The following ITSN1 variants were observed in gnomAD, a reference collection of about 807,000 sequenced individuals.
ITSN1 encodes the protein intersectin-1.
A neutral mutation model predicts 239.8 loss-of-function variants in ITSN1; 58 were observed. That is an observed-to-expected ratio of 0.24 (90% CI 0.20 to 0.30). ITSN1 has a LOEUF of 0.30. Among genes scored for constraint, ITSN1 ranks in the 10% least tolerant of loss-of-function variants. The pLI, the probability that ITSN1 is intolerant of heterozygous loss-of-function variation, is 1.00. For missense variants in ITSN1, 1,558 were observed against 2,103.3 expected (o/e 0.74, Z 5.07); for synonymous variants, 780 against 770.8 (o/e 1.01, Z -0.20).
intron 20 of ITSN1, among the ~76,000 whole-genome samples, chr21:33,809,175 A>G (rs1328890603): frequency 6.6e-6 from 1 of 152,228 alleles, no homozygotes; most frequent in Non-Finnish European, 1.5e-5. Context: ...CAAAGTGGCT[A>G]GTGTGTTCAT....
At chr21:33,868,139 T>C (rs1300052915) in intron 33 of ITSN1, among the ~76,000 whole-genome samples, 1 of 152,164 alleles carries the variant, frequency 6.6e-6, no homozygotes, top group Non-Finnish European at 1.5e-5. Flanking sequence ...ATCCTGCTGA[T>C]TGGTAGAGCC....
At chr21:33,679,567 T>C (rs994680285) in intron 1 of ITSN1, among the ~76,000 whole-genome samples, 1 of 152,214 alleles carries the variant, frequency 6.6e-6, no homozygotes, top group South Asian at 2.1e-4. Context: ...GTACAAAGTT[T>C]TACAATTGTT....
chr21:33,816,759 C>T (rs550548050), intron 22 of ITSN1, among the ~76,000 whole-genome samples: 15 of 152,198 alleles, frequency 9.9e-5, no homozygotes, highest in East Asian at 5.8e-4. Context: ...TGAGGAGCTA[C>T]GCGGGCAGCA....
At chr21:33,853,233 A>G (rs1978664644) in intron 29 of ITSN1, among the ~76,000 whole-genome samples, 1 of 152,194 alleles carries the variant, frequency 6.6e-6, no homozygotes, top group African/African-American at 2.4e-5. Flanking sequence ...GCAGGGTGGT[A>G]GGTGGACCTG....
intron 39 of ITSN1, among the ~76,000 whole-genome samples, chr21:33,887,476 G>A (rs1266387870): frequency 1.3e-5 from 2 of 152,120 alleles, no homozygotes; most frequent in African/African-American, 4.8e-5. Context: ...TTATCTCATT[G>A]TGAGTTAGGT....
Position 33,774,847 on chromosome 21 carries a change from A to G in ITSN1, c.1424A>G (p.Lys475Arg). 6.2e-7 allele frequency: 1 copy of G among 1,612,716 alleles called. No homozygotes were observed. Among genetic ancestry groups the G allele is most frequent in the South Asian group, 1.1e-5 (1 of 90,554 alleles). ...GACATAGTTGTACTGAAAGCAAAGA[A>G]AAAGACTTTGGAATTTGAATTAGAA... ...QEDIVVLKAK[K>R]KTLEFELEAL... The change falls in exon 13 of 40, where the codon AAA becomes AGA. Residue 475 changes from lysine to arginine, a missense_variant. Coordinates refer to ENST00000381318, the MANE Select transcript of ITSN1 (RefSeq NM_003024.3).
At chr21:33,807,293 G>A (rs1209429821) in intron 20 of ITSN1, among the ~76,000 whole-genome samples, 1 of 152,106 alleles carries the variant, frequency 6.6e-6, no homozygotes, top group Admixed American at 6.5e-5. Context: ...GGACAGGCTG[G>A]GTGTTATCAG....
intron 1 of ITSN1, among the ~76,000 whole-genome samples, chr21:33,679,572 A>G (rs1279523483): frequency 6.6e-5 from 10 of 152,074 alleles, no homozygotes; most frequent in South Asian, 2.1e-4. Context: ...AAGTTTTACA[A>G]TTGTTGCTTT....
chr21:33,854,403 A>C (rs1978916479), intron 29 of ITSN1, among the ~76,000 whole-genome samples: 1 of 152,234 alleles, frequency 6.6e-6, no homozygotes, highest in Non-Finnish European at 1.5e-5. Context: ...GAGGGCATCC[A>C]AGTTGCCTAA....
intron 20 of ITSN1, among the ~76,000 whole-genome samples, chr21:33,810,629 A>C (rs1035735752): frequency 6.6e-6 from 1 of 152,210 alleles, no homozygotes. Flanking sequence ...ATTTTTAATA[A>C]TGACATGACT....
intron 1 of ITSN1, among the ~76,000 whole-genome samples, chr21:33,661,580 G>T (rs893651786): frequency 6.6e-6 from 1 of 152,106 alleles, no homozygotes; most frequent in Admixed American, 6.5e-5. Context: ...AAAAGAGCAG[G>T]TCTTGCCTGA....
intron 29 of ITSN1, among the ~76,000 whole-genome samples, chr21:33,852,237 A>T (rs1978457871): frequency 6.6e-6 from 1 of 152,118 alleles, no homozygotes. Context: ...ACCTTATTGC[A>T]TATTTTGGCC....
intron 1 of ITSN1, among the ~76,000 whole-genome samples, chr21:33,676,982 A>G (rs2090631927): frequency 6.9e-6 from 1 of 143,966 alleles, no homozygotes; most frequent in African/African-American, 2.5e-5. Context: ...CAGGGTGGGG[A>G]ACATCACACA....
intron 24 of ITSN1, among the ~76,000 whole-genome samples, chr21:33,819,959 G>T (rs981133551): frequency 6.6e-6 from 1 of 151,992 alleles, no homozygotes; most frequent in South Asian, 2.1e-4. Flanking sequence ...TCCGCAGTCC[G>T]GCCTGGGCGA....
intron 29 of ITSN1, among the ~76,000 whole-genome samples, chr21:33,848,628 T>C (rs1426322924): frequency 6.6e-6 from 1 of 152,180 alleles, no homozygotes. Flanking sequence ...AGCTACCGCA[T>C]AGGATTCCTG....
intron 1 of ITSN1, among the ~76,000 whole-genome samples, chr21:33,686,030 A>G (rs1219425827): frequency 6.6e-6 from 1 of 152,164 alleles, no homozygotes; most frequent in Non-Finnish European, 1.5e-5. Flanking sequence ...TGGGGTTCAC[A>G]TTTATATTTT....
In ITSN1 at chr21:33,847,570, C is replaced by G. The variant is rs115832269; in HGVS notation, c.3662-9166C>G. Among the ~76,000 whole-genome samples the G allele has an allele frequency of 6.2e-3, 944 of 152,312 alleles. 7 individuals are homozygous for G. Among genetic ancestry groups the G allele is most frequent in the African/African-American group, 0.022 (903 of 41,564 alleles). On this transcript the variant is annotated intron_variant, in intron 29 of 39. Transcript: ENST00000381318. ...TGAGGGCGTTGAGCAGAGAGAGTAG[C>G]CTTTGAAGCCATAGCCCATGGCTGG...
At chr21:33,809,264 C>A (rs1245814232) in intron 20 of ITSN1, among the ~76,000 whole-genome samples, 2 of 152,170 alleles carry the variant, frequency 1.3e-5, no homozygotes, top group African/African-American at 4.8e-5. Flanking sequence ...GCATTTTATA[C>A]AAGGGAACTC....
At chr21:33,697,334 G>A (rs1272792089) in intron 1 of ITSN1, among the ~76,000 whole-genome samples, 1 of 148,822 alleles carries the variant, frequency 6.7e-6, no homozygotes, top group Non-Finnish European at 1.5e-5. Flanking sequence ...TGCCTGCCTC[G>A]GTTTCCCAAA....
Sources: gnomAD v4.1 joint callset for allele counts (sites outside exome capture counted in the v4.1 genomes callset) on GRCh38, gnomAD v4.1.1 for gene constraint, MANE v1.5 for transcripts, NCBI Gene and HGNC (gene_info 2026-07-23, HGNC 2026-07-21) for gene names.